Variants in STK32B observed in about 807,000 individuals in gnomAD.
The protein encoded by STK32B is serine/threonine kinase 32B, also known as serine/threonine-protein kinase 32B.
Under a neutral mutation model 52.6 loss-of-function variants are expected in STK32B, and 43 were observed. The observed-to-expected ratio is 0.82, with a 90% CI of 0.64 to 1.05. The LOEUF (loss-of-function observed/expected upper bound fraction) is 1.05, where lower values mean the gene tolerates loss of function less well. STK32B is among the 50% of genes least tolerant of loss of function. The pLI is 0.00. For missense variants in STK32B, 621 were observed against 534.6 expected, an observed-to-expected ratio of 1.16 and a Z score of -1.59; for synonymous variants, 238 against 204.3, an observed-to-expected ratio of 1.17 and a Z score of -1.41.
chr4:5,322,006 T>TA (rs71169693), intron 3 of STK32B, among the ~76,000 whole-genome samples: 1,245 of 37,770 alleles, frequency 0.033, 20 homozygotes, highest in East Asian at 0.17. Flanking sequence ...CAAGTCAAAT[T>TA]AAAAAAAAAA....
chr4:5,245,657 C>A (rs1041801179), intron 3 of STK32B, among the ~76,000 whole-genome samples: 2 of 152,168 alleles, frequency 1.3e-5, no homozygotes, highest in African/African-American at 2.4e-5. Context: ...GATGCAGTTT[C>A]TTCCTAGCCT....
At chr4:5,062,818 G>A (rs1742268205) in intron 1 of STK32B, among the ~76,000 whole-genome samples, 1 of 152,014 alleles carries the variant, frequency 6.6e-6, no homozygotes, top group South Asian at 2.1e-4. Flanking sequence ...AGTTTTTATT[G>A]TTTTTGAAAT....
chr4:5,235,241 G>T (rs1362764563), intron 3 of STK32B, among the ~76,000 whole-genome samples: 1 of 152,220 alleles, frequency 6.6e-6, no homozygotes, highest in Non-Finnish European at 1.5e-5. Context: ...ACAAAATGCT[G>T]TGTACACTGC....
intron 6 of STK32B, among the ~76,000 whole-genome samples, chr4:5,430,789 C>A (rs1713512984): frequency 6.6e-6 from 1 of 152,152 alleles, no homozygotes; most frequent in Non-Finnish European, 1.5e-5. Context: ...TTTCAAAATA[C>A]CAGCTTTAGA....
At position 5,409,108 on chromosome 4, in the gene STK32B, T is replaced by G. The variant is rs953285473; in HGVS notation, c.473-7737T>G. On this transcript the variant is annotated intron_variant, in intron 5 of 11. Coordinates refer to ENST00000282908, the MANE Select transcript of STK32B (RefSeq NM_018401.3). ...AGCGAACTCCTCCATCTATTGAGAT[T>G]GTTCTGCCCCCAAAAAGATGGCCTC... 3.9e-5 allele frequency among the ~76,000 whole-genome samples: 6 copies of G among 152,104 alleles called. No individual in the cohort carries two copies. The East Asian group carries it at 1.2e-3, about 29-fold the overall frequency.
At chr4:5,372,444 A>G (rs1174582717) in intron 4 of STK32B, among the ~76,000 whole-genome samples, 1 of 151,958 alleles carries the variant, frequency 6.6e-6, no homozygotes, top group African/African-American at 2.4e-5. Flanking sequence ...GTAGCCCAGG[A>G]CTCCCGACCT....
intron 1 of STK32B, among the ~76,000 whole-genome samples, chr4:5,055,750 A>C (rs1257672429): frequency 6.6e-6 from 1 of 151,744 alleles, no homozygotes; most frequent in East Asian, 1.9e-4. Flanking sequence ...GCCCGAGGGC[A>C]TCTCCCCCCC....
At chr4:5,117,981 T>C (rs1231996212) in intron 1 of STK32B, among the ~76,000 whole-genome samples, 1 of 152,210 alleles carries the variant, frequency 6.6e-6, no homozygotes, top group African/African-American at 2.4e-5. Flanking sequence ...GATTTTTGCA[T>C]CTATGTTCCT....
intron 3 of STK32B, among the ~76,000 whole-genome samples, chr4:5,267,305 T>C (rs1015313091): frequency 5.3e-5 from 8 of 152,216 alleles, no homozygotes; most frequent in African/African-American, 1.9e-4. Flanking sequence ...TCAGTCTTTA[T>C]ATTTTTAAAA....
chr4:5,248,594 A>G (rs772981340), intron 3 of STK32B, among the ~76,000 whole-genome samples: 33 of 152,168 alleles, frequency 2.2e-4, no homozygotes, highest in Admixed American at 3.3e-4. Flanking sequence ...CTATTCAGTG[A>G]CTTATTTTAG....
At chr4:5,291,576 G>A (rs10009157) in intron 3 of STK32B, among the ~76,000 whole-genome samples, 16,261 of 151,974 alleles carry the variant, frequency 0.11, 940 homozygotes, top group South Asian at 0.17. Context: ...AGAATTACAC[G>A]CAAATCAAGT....
intron 3 of STK32B, among the ~76,000 whole-genome samples, chr4:5,317,542 T>A (rs917354943): frequency 8.5e-6 from 1 of 118,330 alleles, no homozygotes; most frequent in Non-Finnish European, 1.6e-5. Context: ...ATTACATGTA[T>A]ATATATATAT....
rs188898488 is a variant in STK32B, at chr4:5,117,171, C to T, written c.53-22734C>T. Among the ~76,000 whole-genome samples the T allele has an allele frequency of 1.6e-4, 24 of 152,292 alleles. 1 individual carries two copies. In the East Asian group the frequency reaches 4.6e-3, roughly 29 times the overall value. The stretch of plus-strand genomic sequence containing the variant: ...ATTGCTCCGGCTGGGACCTCCAGCA[C>T]TAAGATGAATAGCAGTGGTGAGAGT... On this transcript the variant is annotated intron_variant, in intron 1 of 11. Coordinates refer to ENST00000282908, the MANE Select transcript of STK32B (RefSeq NM_018401.3).
At chr4:5,383,157 G>T (rs1285637824) in intron 4 of STK32B, among the ~76,000 whole-genome samples, 5 of 152,194 alleles carry the variant, frequency 3.3e-5, no homozygotes, top group African/African-American at 9.6e-5. Context: ...CCGTGGGTAG[G>T]TGAGTGTGGG....
At chr4:5,313,726 G>C (rs1730470550) in intron 3 of STK32B, among the ~76,000 whole-genome samples, 1 of 152,112 alleles carries the variant, frequency 6.6e-6, no homozygotes, top group Non-Finnish European at 1.5e-5. Flanking sequence ...GATCAACCTA[G>C]AACTGTGACA....
At chr4:5,113,064 A>T (rs1714493134) in intron 1 of STK32B, among the ~76,000 whole-genome samples, 1 of 152,144 alleles carries the variant, frequency 6.6e-6, no homozygotes, top group African/African-American at 2.4e-5. Context: ...GAGTGCTGTC[A>T]TCTGGATGTC....
At chr4:5,190,761 C>T (rs1452293526) in intron 3 of STK32B, among the ~76,000 whole-genome samples, 3 of 152,086 alleles carry the variant, frequency 2.0e-5, no homozygotes, top group South Asian at 2.1e-4. Context: ...TTGCAGACAT[C>T]GGGGCGGCTG....
intron 11 of STK32B, among the ~76,000 whole-genome samples, chr4:5,496,367 T>C (rs1359790849): frequency 6.6e-6 from 1 of 152,196 alleles, no homozygotes; most frequent in Non-Finnish European, 1.5e-5. Flanking sequence ...TCCGTGGGCA[T>C]AGGACCCTCC....
intron 3 of STK32B, among the ~76,000 whole-genome samples, chr4:5,226,529 G>A (rs1250969630): frequency 1.3e-5 from 2 of 152,146 alleles, no homozygotes; most frequent in African/African-American, 4.8e-5. Context: ...CACCTGGGAC[G>A]TGAATTATCC....
Sources: gnomAD v4.1 joint callset for allele counts (sites outside exome capture counted in the v4.1 genomes callset) on GRCh38, gnomAD v4.1.1 for gene constraint, MANE v1.5 for transcripts, NCBI Gene and HGNC (gene_info 2026-07-23, HGNC 2026-07-21) for gene names.